The following LRRTM4 variants were observed in gnomAD, a reference collection of about 807,000 sequenced individuals.
The protein encoded by LRRTM4 is leucine rich repeat transmembrane neuronal 4.
LRRTM4 carries 25 observed loss-of-function variants against 47.6 expected under a neutral mutation model. The observed-to-expected ratio is 0.53, with a 90% CI of 0.38 to 0.73. The LOEUF is 0.73. LRRTM4 is among the 30% of genes least tolerant of loss of function. The probability of loss-of-function intolerance (pLI) is 0.00; values close to 1 mark genes in which losing one functional copy is unlikely to be tolerated. For synonymous variants in LRRTM4, 311 were observed against 269.5 expected (o/e 1.15, Z -1.51); for missense variants, 638 against 713.4 (o/e 0.89, Z 1.20).
At chr2:77,275,357 G>T (rs1385994816) in intron 3 of LRRTM4, among the ~76,000 whole-genome samples, 4 of 149,500 alleles carry the variant, frequency 2.7e-5, no homozygotes, top group African/African-American at 9.8e-5. Context: ...TTAACGTCTT[G>T]CATAATTAGT....
intron 3 of LRRTM4, among the ~76,000 whole-genome samples, chr2:77,024,605 C>T (rs570176344): frequency 2.2e-4 from 34 of 151,618 alleles, no homozygotes; most frequent in African/African-American, 8.0e-4. Flanking sequence ...CACAAGTAAG[C>T]CTTATAATCT....
intron 3 of LRRTM4, among the ~76,000 whole-genome samples, chr2:77,387,555 C>T (rs1673330707): frequency 6.6e-6 from 1 of 152,066 alleles, no homozygotes; most frequent in South Asian, 2.1e-4. Flanking sequence ...CTTTGCATTA[C>T]TTTTGGGATT....
chr2:76,959,019 G>T (rs1039009874), intron 3 of LRRTM4, among the ~76,000 whole-genome samples: 1 of 151,530 alleles, frequency 6.6e-6, no homozygotes, highest in Non-Finnish European at 1.5e-5. Context: ...TTTCGGAAAA[G>T]GGCCTCCTAC....
At chr2:77,142,821 C>T (rs999480299) in intron 3 of LRRTM4, among the ~76,000 whole-genome samples, 6 of 152,224 alleles carry the variant, frequency 3.9e-5, no homozygotes, top group South Asian at 2.1e-4. Flanking sequence ...TTGTAATGCA[C>T]GGGTTTGCTT....
At chr2:77,122,054 T>C (rs1011184094) in intron 3 of LRRTM4, among the ~76,000 whole-genome samples, 5 of 151,654 alleles carry the variant, frequency 3.3e-5, no homozygotes, top group Admixed American at 1.3e-4. Context: ...TATATATAAA[T>C]ATTATTCTAC....
chr2:77,075,914 C>CAAAAAAAAAAAAAAAAAAAAAAAA (rs61718845), intron 3 of LRRTM4, among the ~76,000 whole-genome samples: 1 of 36,856 alleles, frequency 2.7e-5, no homozygotes, highest in African/African-American at 8.7e-5. Context: ...GACTCCGTCT[C>CAAAAAAAAAAAAAAAAAAAAAAAA]AAAAAAAAAA....
At position 76,791,379 on chromosome 2, in the gene LRRTM4, G is replaced by A. The variant is rs150768816; in HGVS notation, c.1552-42463C>T. 9.0e-3 allele frequency among the ~76,000 whole-genome samples: 1,377 copies of A among 152,214 alleles called. 10 individuals are homozygous for A. The highest frequency in any genetic ancestry group is 0.019 in the South Asian group (91 of 4,822). On this transcript the variant is annotated intron_variant, in intron 3 of 3. Transcript: ENST00000409884. ...TTGTAGATTTGAAACTCAGTGAAAG[G>A]CATTTTGACTATAAAATTAGAATGT...
At chr2:77,072,944 T>C (rs1055848399) in intron 3 of LRRTM4, among the ~76,000 whole-genome samples, 8 of 151,736 alleles carry the variant, frequency 5.3e-5, no homozygotes, top group African/African-American at 1.9e-4. Context: ...AGAAGAAGCA[T>C]AAATATTATT....
At chr2:76,947,795 G>A (rs951066318) in intron 3 of LRRTM4, among the ~76,000 whole-genome samples, 3 of 151,708 alleles carry the variant, frequency 2.0e-5, no homozygotes, top group African/African-American at 7.3e-5. Context: ...ATTTATACTT[G>A]ACATTGAAAG....
chr2:76,935,127 G>C (rs890033307), intron 3 of LRRTM4, among the ~76,000 whole-genome samples: 2 of 152,160 alleles, frequency 1.3e-5, no homozygotes, highest in Non-Finnish European at 2.9e-5. Flanking sequence ...GAGCAGGAAA[G>C]ACAAAATATT....
intron 3 of LRRTM4, among the ~76,000 whole-genome samples, chr2:77,020,140 T>A (rs1274862131): frequency 1.3e-5 from 2 of 151,796 alleles, no homozygotes; most frequent in East Asian, 1.9e-4. Context: ...AAGAGAAAGA[T>A]GAAGAAAGGT....
At chr2:77,127,827 G>C (rs1671688033) in intron 3 of LRRTM4, among the ~76,000 whole-genome samples, 1 of 152,154 alleles carries the variant, frequency 6.6e-6, no homozygotes, top group South Asian at 2.1e-4. Context: ...ATAGCCCTTA[G>C]ATTCTTAAGC....
intron 3 of LRRTM4, among the ~76,000 whole-genome samples, chr2:76,924,998 G>C (rs562659440): frequency 2.0e-5 from 3 of 152,110 alleles, no homozygotes; most frequent in Admixed American, 6.6e-5. Context: ...TCTTGGGTGA[G>C]AGAGACTTGT....
rs770128588 is a variant in LRRTM4, at chr2:77,518,749, C to T, written c.1120G>A (p.Val374Met). ...AGAGGTTTCTGGGGAGTTTGGGGCA[C>T]CAGGTGTGATCTTTCTGTGTTGACC... ...QVVNTERSHL[V>M]PQTPQKPLII... The change falls in exon 3 of 4, where the codon GTG (valine) becomes ATG (methionine). Residue 374 changes from valine to methionine, a missense_variant. Coordinates refer to ENST00000409884, the MANE Select transcript of LRRTM4 (RefSeq NM_001134745.3). 51 of 1,613,160 alleles carry T rather than the reference C, an allele frequency of 3.2e-5. No homozygotes were observed. Among genetic ancestry groups the T allele is most frequent in the Non-Finnish European group, 4.3e-5 (51 of 1,179,640 alleles).
intron 3 of LRRTM4, among the ~76,000 whole-genome samples, chr2:76,870,641 T>C (rs189709860): frequency 5.3e-5 from 8 of 152,318 alleles, no homozygotes; most frequent in Admixed American, 2.0e-4. Context: ...GCTTTCATTT[T>C]TCTCTTCCCC....
At chr2:77,496,793 T>C (rs1480862010) in intron 3 of LRRTM4, among the ~76,000 whole-genome samples, 1 of 151,762 alleles carries the variant, frequency 6.6e-6, no homozygotes, top group Non-Finnish European at 1.5e-5. Flanking sequence ...GATGTAGTGA[T>C]GGCCTTCTTG....
chr2:77,330,940 C>A (rs1197386120), intron 3 of LRRTM4, among the ~76,000 whole-genome samples: 2 of 152,028 alleles, frequency 1.3e-5, no homozygotes, highest in Non-Finnish European at 2.9e-5. Context: ...GCACTTTTAT[C>A]CATTATAAAA....
At position 77,495,727 on chromosome 2, in the gene LRRTM4, T is replaced by C. The variant is rs897929721; in HGVS notation, c.1551+22591A>G. Among the ~76,000 whole-genome samples the C allele has an allele frequency of 4.6e-5, 7 of 152,078 alleles. 1 individual carries two copies. The highest frequency in any genetic ancestry group is 3.9e-4 in the Admixed American group (6 of 15,218). ...GGTTATTTTTGGATTCTCTGTTTCA[T>C]TGATCTGCTTGTCTGTCTTAATGTC... On this transcript the variant is annotated intron_variant, in intron 3 of 3. Coordinates refer to ENST00000409884, the MANE Select transcript of LRRTM4 (RefSeq NM_001134745.3).
chr2:77,267,771 T>C (rs1676087804), intron 3 of LRRTM4, among the ~76,000 whole-genome samples: 1 of 128,164 alleles, frequency 7.8e-6, no homozygotes, highest in African/African-American at 2.9e-5. Flanking sequence ...ATGATTACAC[T>C]GTCACACAAT....
Sources: allele counts gnomAD v4.1 joint callset (sites outside exome capture counted in the v4.1 genomes callset), GRCh38; gene constraint gnomAD v4.1.1; transcripts MANE v1.5; gene names NCBI Gene and HGNC (gene_info 2026-07-23, HGNC 2026-07-21).